Variants in MYO3B observed in about 807,000 individuals in gnomAD.
The protein encoded by MYO3B is myosin-IIIb.
Under a neutral mutation model 174.6 loss-of-function variants are expected in MYO3B, and 156 were observed. The observed-to-expected ratio is 0.89, with a 90% CI of 0.78 to 1.02. The LOEUF is 1.02. Ranked by LOEUF, MYO3B falls within the 50% of genes least tolerant of loss-of-function variation. The pLI, the probability that MYO3B is intolerant of heterozygous loss-of-function variation, is 0.00. For synonymous variants in MYO3B, 563 were observed against 569.1 expected (o/e 0.99, Z 0.15); for missense variants, 1,632 against 1,639.4 (o/e 1.00, Z 0.08).
At chr2:170,600,129 T>C (rs77876372) in intron 32 of MYO3B, among the ~76,000 whole-genome samples, 16,220 of 144,016 alleles carry the variant, frequency 0.11, 1,012 homozygotes, top group African/African-American at 0.2. Flanking sequence ...TCCTTGTTGT[T>C]GTTGTTTTTT....
intron 32 of MYO3B, among the ~76,000 whole-genome samples, chr2:170,650,128 G>T (rs1348367817): frequency 7.1e-6 from 1 of 141,180 alleles, no homozygotes; most frequent in Non-Finnish European, 1.5e-5. Flanking sequence ...TGCCTCCCAG[G>T]TTCAAGTGAT....
chr2:170,383,664 A>G, intron 11 of MYO3B, 46 bp from the exon 12 acceptor site: 12 of 1,425,100 alleles, frequency 8.4e-6, no homozygotes, highest in Non-Finnish European at 1.2e-5. Flanking sequence ...GTAGTGGAGT[A>G]TTAGATGGTC....
intron 8 of MYO3B, among the ~76,000 whole-genome samples, chr2:170,359,654 T>C (rs987462417): frequency 6.6e-6 from 1 of 152,218 alleles, no homozygotes; most frequent in Non-Finnish European, 1.5e-5. Flanking sequence ...AAAAGGCTAC[T>C]GTACCCTCCG....
chr2:170,553,160 C>T (rs1442984429), intron 32 of MYO3B, among the ~76,000 whole-genome samples: 2 of 152,208 alleles, frequency 1.3e-5, no homozygotes, highest in Admixed American at 6.5e-5. Flanking sequence ...AGCCCCCACA[C>T]AGAGTCCCCA....
At chr2:170,593,471 G>C (rs1462193443) in intron 32 of MYO3B, among the ~76,000 whole-genome samples, 1 of 152,146 alleles carries the variant, frequency 6.6e-6, no homozygotes, top group African/African-American at 2.4e-5. Flanking sequence ...GGTTCATAGA[G>C]TTTACCTAAG....
At chr2:170,419,019 A>G (rs948926450) in intron 22 of MYO3B, among the ~76,000 whole-genome samples, 19 of 152,248 alleles carry the variant, frequency 1.2e-4, no homozygotes, top group Admixed American at 6.5e-5. Context: ...GTCTGAGGAC[A>G]TAGAAGAAAT....
rs758247733 is a variant in MYO3B at position 170,178,256 on chromosome 2, C to T, written c.-32C>T. On this transcript the variant is annotated 5_prime_UTR_variant, in exon 1 of 35. Transcript: ENST00000408978. ...TTTTGGAGGAATGAGAATCCAATCT[C>T]TCATAAGCCGGATTCAGAAAATAGG... 29 of 1,613,996 alleles carry T rather than the reference C, an allele frequency of 1.8e-5. No individual in the cohort carries two copies. The highest frequency in any genetic ancestry group is 2.4e-5 in the Non-Finnish European group (28 of 1,179,962).
chr2:170,326,939 AC>A (rs1488790196), intron 7 of MYO3B, among the ~76,000 whole-genome samples: 1 of 152,180 alleles, frequency 6.6e-6, no homozygotes, highest in Non-Finnish European at 1.5e-5. Flanking sequence ...GGACGTGAAC[AC>A]CTGTCACTTA....
intron 32 of MYO3B, among the ~76,000 whole-genome samples, chr2:170,619,551 G>T (rs1695716986): frequency 6.6e-6 from 1 of 151,932 alleles, no homozygotes; most frequent in Non-Finnish European, 1.5e-5. Flanking sequence ...GGGGACGAGG[G>T]TTGGGGATCC....
intron 25 of MYO3B, among the ~76,000 whole-genome samples, chr2:170,481,862 G>C (rs1211080311): frequency 2.6e-5 from 4 of 152,184 alleles, no homozygotes; most frequent in Non-Finnish European, 5.9e-5. Flanking sequence ...CTTCCCAACT[G>C]TGTGTGTTGG....
chr2:170,229,375 A>G (rs1328289467), intron 6 of MYO3B, among the ~76,000 whole-genome samples: 1 of 152,232 alleles, frequency 6.6e-6, no homozygotes, highest in Non-Finnish European at 1.5e-5. Context: ...TTGAGATAAC[A>G]GCATTTTGCC....
chr2:170,348,186 G>C (rs1266333320), intron 8 of MYO3B: 4 of 152,196 alleles, frequency 2.6e-5, no homozygotes, highest in African/African-American at 9.7e-5. Flanking sequence ...TCAGTACCAT[G>C]TATCAGTATT....
chr2:170,202,531 C>G (rs1212772617), intron 3 of MYO3B, among the ~76,000 whole-genome samples: 2 of 152,180 alleles, frequency 1.3e-5, no homozygotes, highest in African/African-American at 4.8e-5. Context: ...GAGTAACATG[C>G]CTATGGTCAC....
chr2:170,487,545 C>T (rs1686146649), intron 25 of MYO3B, among the ~76,000 whole-genome samples: 1 of 152,234 alleles, frequency 6.6e-6, no homozygotes, highest in African/African-American at 2.4e-5. Flanking sequence ...AGCCCTAAAA[C>T]TCTACAGAGT....
At chr2:170,231,054 A>C (rs2093010617) in intron 6 of MYO3B, among the ~76,000 whole-genome samples, 1 of 152,214 alleles carries the variant, frequency 6.6e-6, no homozygotes, top group African/African-American at 2.4e-5. Context: ...TGGCTAAGGA[A>C]AGGAACAGCC....
chr2:170,537,710 G>T (rs1236725296), intron 30 of MYO3B, among the ~76,000 whole-genome samples: 1 of 151,950 alleles, frequency 6.6e-6, no homozygotes, highest in Non-Finnish European at 1.5e-5. Flanking sequence ...ACCTCCCAAA[G>T]TGTTGGGATT....
intron 1 of MYO3B, among the ~76,000 whole-genome samples, chr2:170,193,598 T>C (rs1481462240): frequency 6.6e-6 from 1 of 152,110 alleles, no homozygotes; most frequent in Non-Finnish European, 1.5e-5. Flanking sequence ...GATTGTCTTT[T>C]TGTTGTTTGA....
intron 32 of MYO3B, among the ~76,000 whole-genome samples, chr2:170,624,690 T>C (rs1696249411): frequency 6.6e-6 from 1 of 152,178 alleles, no homozygotes; most frequent in Non-Finnish European, 1.5e-5. Context: ...CAGTATGATA[T>C]TGGCTGTGGG....
intron 30 of MYO3B, among the ~76,000 whole-genome samples, chr2:170,535,421 A>G (rs1263330427): frequency 6.6e-6 from 1 of 152,216 alleles, no homozygotes; most frequent in Admixed American, 6.5e-5. Flanking sequence ...GCCAGGGTTT[A>G]TACCTCCAGA....
Sources: gnomAD v4.1 joint callset for allele counts (sites outside exome capture counted in the v4.1 genomes callset) on GRCh38, gnomAD v4.1.1 for gene constraint, MANE v1.5 for transcripts, NCBI Gene and HGNC (gene_info 2026-07-23, HGNC 2026-07-21) for gene names.